The following PTPRD variants were observed in gnomAD, a reference collection of about 807,000 sequenced individuals.
PTPRD encodes receptor-type tyrosine-protein phosphatase delta.
A neutral mutation model predicts 214.5 loss-of-function variants in PTPRD; 34 were observed. The ratio of observed to expected loss-of-function variants is 0.16; its 90% confidence interval spans 0.12 to 0.21. PTPRD has a LOEUF of 0.21. PTPRD is among the 10% of genes least tolerant of loss of function. The pLI is 1.00. For synonymous variants in PTPRD, 1,128 were observed against 845.7 expected, an observed-to-expected ratio of 1.33 and a Z score of -5.79; for missense variants, 2,545 against 2,398.7, an observed-to-expected ratio of 1.06 and a Z score of -1.27.
intron 5 of PTPRD, among the ~76,000 whole-genome samples, chr9:9,784,900 A>G (rs147177693): frequency 0.015 from 2,280 of 147,590 alleles, 73 homozygotes; most frequent in African/African-American, 0.052. Flanking sequence ...ATACACACAT[A>G]TAATCTCTCC....
chr9:8,978,278 C>A (rs1399132064), intron 11 of PTPRD, among the ~76,000 whole-genome samples: 4 of 152,042 alleles, frequency 2.6e-5, no homozygotes, highest in Non-Finnish European at 5.9e-5. Context: ...CATTCTTCAT[C>A]GCCAACTTAC....
rs147012415 is a variant in PTPRD, at chr9:9,851,280, G to A, written c.-367-84429C>T. ...GTCTCCTGAGGGTTAATGCAGTATC[G>A]TATTGCTGACTGCGAGATTCAAAGT... On this transcript the variant is annotated intron_variant, in intron 5 of 45. Coordinates refer to ENST00000381196, the MANE Select transcript of PTPRD (RefSeq NM_002839.4). Among the ~76,000 whole-genome samples the A allele has an allele frequency of 3.9e-3, 591 of 152,282 alleles. 3 individuals carry two copies. The highest frequency in any genetic ancestry group is 0.013 in the African/African-American group (536 of 41,552).
intron 5 of PTPRD, among the ~76,000 whole-genome samples, chr9:9,905,056 T>C (rs1339576818): frequency 6.6e-6 from 1 of 152,068 alleles, no homozygotes; most frequent in Non-Finnish European, 1.5e-5. Context: ...TTCATTGTGA[T>C]CTACTCAGTA....
At chr9:8,618,914 G>GTTTTT in intron 14 of PTPRD, among the ~76,000 whole-genome samples, 1 of 67,798 alleles carries the variant, frequency 1.5e-5, no homozygotes, top group Non-Finnish European at 2.7e-5. Context: ...GTGTTTTTTT[G>GTTTTT]TTTTTTTTTT....
intron 12 of PTPRD, among the ~76,000 whole-genome samples, chr9:8,640,112 G>A (rs1386843070): frequency 6.6e-6 from 1 of 152,022 alleles, no homozygotes; most frequent in Non-Finnish European, 1.5e-5. Flanking sequence ...TTTATTATTT[G>A]TAGACATGGG....
At chr9:9,258,090 G>GACATAGAT (rs1555116285) in intron 9 of PTPRD, among the ~76,000 whole-genome samples, 1 of 148,250 alleles carries the variant, frequency 6.7e-6, no homozygotes, top group African/African-American at 2.5e-5. Flanking sequence ...TGAATGGATA[G>GACATAGAT]AGATAGATAG....
At chr9:10,516,959 T>A (rs1249231971) in intron 2 of PTPRD, among the ~76,000 whole-genome samples, 1 of 151,950 alleles carries the variant, frequency 6.6e-6, no homozygotes, top group African/African-American at 2.4e-5. Flanking sequence ...TACCATACTG[T>A]TTTAATTACT....
chr9:10,113,680 T>C (rs2098709008), intron 3 of PTPRD, among the ~76,000 whole-genome samples: 1 of 152,172 alleles, frequency 6.6e-6, no homozygotes, highest in Non-Finnish European at 1.5e-5. Context: ...ATCAGTTAAG[T>C]TTGGCAAACA....
At chr9:8,463,407 T>C (rs2096470005) in intron 32 of PTPRD, among the ~76,000 whole-genome samples, 1 of 151,450 alleles carries the variant, frequency 6.6e-6, no homozygotes, top group South Asian at 2.1e-4. Flanking sequence ...TGATTTTTTA[T>C]ATAATTGTTT....
At chr9:10,139,399 A>T (rs2098966449) in intron 3 of PTPRD, among the ~76,000 whole-genome samples, 1 of 152,070 alleles carries the variant, frequency 6.6e-6, no homozygotes, top group South Asian at 2.1e-4. Flanking sequence ...AAATGGAAAA[A>T]CATTCCATTC....
intron 2 of PTPRD, among the ~76,000 whole-genome samples, chr9:10,432,897 C>G (rs1259405572): frequency 6.6e-6 from 1 of 151,808 alleles, no homozygotes; most frequent in Non-Finnish European, 1.5e-5. Flanking sequence ...TCCAGTGTTC[C>G]TTCTTTATTG....
intron 12 of PTPRD, among the ~76,000 whole-genome samples, chr9:8,659,270 A>C (rs1344393003): frequency 1.3e-5 from 2 of 152,194 alleles, no homozygotes; most frequent in African/African-American, 4.8e-5. Flanking sequence ...TGGCTGCAAG[A>C]ATCTCAGGAG....
intron 8 of PTPRD, among the ~76,000 whole-genome samples, chr9:9,410,373 C>T (rs1211301701): frequency 1.3e-5 from 2 of 152,110 alleles, no homozygotes; most frequent in Non-Finnish European, 2.9e-5. Flanking sequence ...ACATATACAT[C>T]AAAAGAAAAA....
At chr9:9,287,173 G>A (rs1011333288) in intron 9 of PTPRD, among the ~76,000 whole-genome samples, 5 of 151,082 alleles carry the variant, frequency 3.3e-5, no homozygotes, top group South Asian at 2.1e-4. Flanking sequence ...TGCATTGAGC[G>A]GAGATCACAT....
intron 3 of PTPRD, among the ~76,000 whole-genome samples, chr9:10,186,016 G>T (rs573425134): frequency 6.6e-6 from 1 of 152,130 alleles, no homozygotes; most frequent in East Asian, 1.9e-4. Context: ...TTGAGAGGTA[G>T]TATTGACAAT....
intron 2 of PTPRD, among the ~76,000 whole-genome samples, chr9:10,593,021 T>G (rs189495077): frequency 7.3e-4 from 111 of 152,066 alleles, no homozygotes; most frequent in Middle Eastern, 3.4e-3. Flanking sequence ...CTTTAAGAGC[T>G]GTAACACTCA....
chr9:8,803,363 T>C (rs2096609844), intron 11 of PTPRD, among the ~76,000 whole-genome samples: 1 of 152,176 alleles, frequency 6.6e-6, no homozygotes, highest in African/African-American at 2.4e-5. Flanking sequence ...CTATGATTAC[T>C]GAAATCAGTG....
intron 14 of PTPRD, among the ~76,000 whole-genome samples, chr9:8,546,111 G>C (rs1404883037): frequency 6.6e-6 from 1 of 152,122 alleles, no homozygotes; most frequent in Non-Finnish European, 1.5e-5. Flanking sequence ...TACTTATCAG[G>C]GATCTCAATC....
At chr9:10,280,945 G>A (rs1458235303) in intron 3 of PTPRD, among the ~76,000 whole-genome samples, 1 of 152,138 alleles carries the variant, frequency 6.6e-6, no homozygotes, top group Non-Finnish European at 1.5e-5. Flanking sequence ...GTTCCCAGGT[G>A]TGCTAATGCC....
Sources: allele counts gnomAD v4.1 joint callset (sites outside exome capture counted in the v4.1 genomes callset), GRCh38; gene constraint gnomAD v4.1.1; transcripts MANE v1.5; gene names NCBI Gene and HGNC (gene_info 2026-07-23, HGNC 2026-07-21).